The following KCNIP4 variants were observed in gnomAD, a reference collection of about 807,000 sequenced individuals.
The protein encoded by KCNIP4 is Kv channel-interacting protein 4.
KCNIP4 carries 12 observed loss-of-function variants against 34.0 expected under a neutral mutation model. The observed-to-expected ratio is 0.35, with a 90% CI of 0.23 to 0.57. KCNIP4 has a LOEUF of 0.57. Ranked by LOEUF, KCNIP4 falls within the 20% of genes least tolerant of loss-of-function variation. The pLI is 0.83. For missense variants in KCNIP4, 238 were observed against 311.7 expected (o/e 0.76, Z 1.78); for synonymous variants, 124 against 102.2 (o/e 1.21, Z -1.29).
At chr4:21,168,786 G>T (rs558327002) in intron 1 of KCNIP4, among the ~76,000 whole-genome samples, 1 of 152,148 alleles carries the variant, frequency 6.6e-6, no homozygotes, top group South Asian at 2.1e-4. Context: ...CAGCATATCT[G>T]CCTCTGCCTT....
chr4:21,883,718 A>G (rs917001737), intron 1 of KCNIP4, among the ~76,000 whole-genome samples: 2 of 152,098 alleles, frequency 1.3e-5, no homozygotes, highest in African/African-American at 4.8e-5. Context: ...TTTTTCGGCT[A>G]TAGGCTTATT....
chr4:21,892,672 T>C (rs1299024764), intron 1 of KCNIP4, among the ~76,000 whole-genome samples: 2 of 151,936 alleles, frequency 1.3e-5, no homozygotes, highest in African/African-American at 4.8e-5. Flanking sequence ...AAGTTGTCTA[T>C]AAAATAGATG....
chr4:20,871,275 T>G (rs1255676623), intron 2 of KCNIP4, among the ~76,000 whole-genome samples: 2 of 152,014 alleles, frequency 1.3e-5, no homozygotes, highest in Non-Finnish European at 2.9e-5. Context: ...GGAGTGGCAA[T>G]GTCAAGTGGC....
At chr4:20,792,420 G>A (rs563814813) in intron 3 of KCNIP4, among the ~76,000 whole-genome samples, 1 of 151,614 alleles carries the variant, frequency 6.6e-6, no homozygotes, top group South Asian at 2.1e-4. Flanking sequence ...AAAACAAATA[G>A]CAATGCAACA....
intron 1 of KCNIP4, among the ~76,000 whole-genome samples, chr4:21,053,157 G>A (rs1349054979): frequency 6.6e-6 from 1 of 152,096 alleles, no homozygotes; most frequent in African/African-American, 2.4e-5. Flanking sequence ...ATTCAGTGGG[G>A]TCAATGGAAA....
chr4:21,098,153 C>T (rs1167579779), intron 1 of KCNIP4, among the ~76,000 whole-genome samples: 2 of 152,106 alleles, frequency 1.3e-5, no homozygotes, highest in African/African-American at 2.4e-5. Flanking sequence ...AACAAGGAAG[C>T]TACAGAAGAA....
intron 1 of KCNIP4, chr4:21,843,361 T>C (rs934877859): frequency 3.9e-5 from 6 of 152,008 alleles, no homozygotes; most frequent in African/African-American, 1.4e-4. Flanking sequence ...AAACCAAGGA[T>C]TAGATAATAC....
intron 1 of KCNIP4, among the ~76,000 whole-genome samples, chr4:21,476,616 T>C (rs1056635767): frequency 6.6e-6 from 1 of 152,190 alleles, no homozygotes; most frequent in Non-Finnish European, 1.5e-5. Flanking sequence ...ACCTAGCCTG[T>C]GGTATTTCTT....
intron 1 of KCNIP4, among the ~76,000 whole-genome samples, chr4:21,591,952 T>C (rs1742255422): frequency 1.3e-5 from 2 of 152,056 alleles, no homozygotes; most frequent in East Asian, 1.9e-4. Context: ...GGAGGCACCA[T>C]TGAAAGCCAC....
chr4:21,626,405 CT>C, intron 1 of KCNIP4, among the ~76,000 whole-genome samples: 1 of 151,520 alleles, frequency 6.6e-6, no homozygotes, highest in East Asian at 1.9e-4. Context: ...TTTTCACCCC[CT>C]AAGTGTGCAC....
At chr4:21,929,592 C>G (rs1033946033) in intron 1 of KCNIP4, among the ~76,000 whole-genome samples, 1 of 152,118 alleles carries the variant, frequency 6.6e-6, no homozygotes, top group African/African-American at 2.4e-5. Flanking sequence ...CATGCCCAAA[C>G]TTTTCCTGCT....
chr4:20,729,310 T>TTAATGATTGATAC lies in KCNIP4; in HGVS notation c.*759_*771dup, dbSNP rs371662327. 1 of 151,742 alleles carries TTAATGATTGATAC rather than the reference T, an allele frequency of 6.6e-6. No individual in the cohort carries two copies. 9.4% of individuals were successfully genotyped at this position (151,742 alleles called of 1,614,324 possible). The stretch of plus-strand genomic sequence containing the variant: ...GTTTGATGCCTTCTTCAACTTCCAC[T>TTAATGATTGATAC]TAATGATTGATACTAATGATTGATA... On this transcript the variant is annotated 3_prime_UTR_variant, in exon 9 of 9. Transcript: ENST00000382152.
At chr4:21,590,093 A>G (rs1163839695) in intron 1 of KCNIP4, among the ~76,000 whole-genome samples, 1 of 152,002 alleles carries the variant, frequency 6.6e-6, no homozygotes, top group African/African-American at 2.4e-5. Context: ...ATGTTTTAGT[A>G]TAAAAGTGGT....
chr4:21,775,334 G>C (rs544387420), intron 1 of KCNIP4, among the ~76,000 whole-genome samples: 4 of 152,244 alleles, frequency 2.6e-5, no homozygotes, highest in East Asian at 1.9e-4. Context: ...ATGGGCTCCT[G>C]CTCCTTCTTC....
chr4:21,466,407 C>A (rs1322854557), intron 1 of KCNIP4, among the ~76,000 whole-genome samples: 2 of 152,142 alleles, frequency 1.3e-5, no homozygotes, highest in Non-Finnish European at 2.9e-5. Context: ...TTCTGATGGA[C>A]TTGTTTTCCC....
intron 1 of KCNIP4, among the ~76,000 whole-genome samples, chr4:21,645,779 CAG>C (rs1746966556): frequency 1.3e-5 from 2 of 152,100 alleles, no homozygotes; most frequent in African/African-American, 4.8e-5. Flanking sequence ...ACTTCAAAAA[CAG>C]AGACTGTCTC....
At chr4:21,474,841 TA>T (rs56801156) in intron 1 of KCNIP4, among the ~76,000 whole-genome samples, 18,880 of 148,318 alleles carry the variant, frequency 0.13, 1,323 homozygotes, top group South Asian at 0.21. Context: ...CTAAAAATAA[TA>T]AAAAAAAAAT....
chr4:21,469,132 G>A (rs903172511), intron 1 of KCNIP4, among the ~76,000 whole-genome samples: 2 of 151,904 alleles, frequency 1.3e-5, no homozygotes, highest in Non-Finnish European at 2.9e-5. Context: ...TGGTGCAATC[G>A]TGTCTCACTA....
At chr4:21,661,898 T>G (rs1748482290) in intron 1 of KCNIP4, among the ~76,000 whole-genome samples, 2 of 152,188 alleles carry the variant, frequency 1.3e-5, no homozygotes, top group Non-Finnish European at 2.9e-5. Context: ...ACGTCCTTAT[T>G]TCTATTAAAA....
Sources: allele counts gnomAD v4.1 joint callset (sites outside exome capture counted in the v4.1 genomes callset), GRCh38; gene constraint gnomAD v4.1.1; transcripts MANE v1.5; gene names NCBI Gene and HGNC (gene_info 2026-07-23, HGNC 2026-07-21).